Variants in ADK observed in about 807,000 individuals in gnomAD.
ADK encodes N6,N6-dimethyladenosine kinase.
ADK carries 24 observed loss-of-function variants against 44.7 expected under a neutral mutation model. The observed-to-expected ratio is 0.54, with a 90% CI of 0.39 to 0.76. The LOEUF (loss-of-function observed/expected upper bound fraction) is 0.76. Ranked by LOEUF, ADK falls within the 30% of genes least tolerant of loss-of-function variation. The pLI is 0.00. For missense variants in ADK, 321 were observed against 425.1 expected (o/e 0.76, Z 2.15); for synonymous variants, 128 against 142.6 (o/e 0.90, Z 0.73).
chr10:74,224,308 T>C (rs998903293), intron 2 of ADK, among the ~76,000 whole-genome samples: 1 of 152,226 alleles, frequency 6.6e-6, no homozygotes. Context: ...CAGAAGAATA[T>C]TGAAGATCTT....
intron 1 of ADK, among the ~76,000 whole-genome samples, chr10:74,192,086 G>A (rs1240913339): frequency 6.6e-6 from 1 of 152,012 alleles, no homozygotes; most frequent in Non-Finnish European, 1.5e-5. Context: ...TTTGAGATCC[G>A]TTTAAGTTGT....
intron 9 of ADK, among the ~76,000 whole-genome samples, chr10:74,639,459 T>A (rs1853753549): frequency 6.6e-6 from 1 of 152,192 alleles, no homozygotes; most frequent in South Asian, 2.1e-4. Context: ...ACACAGTGGG[T>A]TCATTCACTT....
intron 10 of ADK, among the ~76,000 whole-genome samples, chr10:74,687,898 A>G (rs1855850525): frequency 6.6e-6 from 1 of 152,074 alleles, no homozygotes; most frequent in Admixed American, 6.6e-5. Flanking sequence ...ACTTTATTCC[A>G]TTTTCTGTAT....
chr10:74,660,408 A>C (rs919302779), intron 9 of ADK, among the ~76,000 whole-genome samples: 38 of 152,318 alleles, frequency 2.5e-4, no homozygotes, highest in African/African-American at 9.1e-4. Context: ...CTGGGGTTAC[A>C]GACACGAGCC....
At chr10:74,430,327 G>T (rs1285113085) in intron 6 of ADK, among the ~76,000 whole-genome samples, 1 of 152,112 alleles carries the variant, frequency 6.6e-6, no homozygotes, top group Non-Finnish European at 1.5e-5. Context: ...AAATATATCT[G>T]TCACCACAAT....
At chr10:74,322,545 A>G (rs1024628173) in intron 4 of ADK, among the ~76,000 whole-genome samples, 2 of 152,100 alleles carry the variant, frequency 1.3e-5, no homozygotes, top group African/African-American at 2.4e-5. Flanking sequence ...TTCCTTTTCA[A>G]ATTAGGTTGT....
chr10:74,574,405 G>A (rs532715915), intron 7 of ADK, among the ~76,000 whole-genome samples: 70 of 152,018 alleles, frequency 4.6e-4, no homozygotes, highest in Non-Finnish European at 7.2e-4. Context: ...TCTTGACCTC[G>A]TGATCTGCCT....
intron 3 of ADK, among the ~76,000 whole-genome samples, chr10:74,226,248 C>T (rs746614140): frequency 1.3e-5 from 2 of 152,046 alleles, no homozygotes; most frequent in African/African-American, 2.4e-5. Flanking sequence ...GCAGGGATTA[C>T]AGGCACCCGC....
intron 4 of ADK, among the ~76,000 whole-genome samples, chr10:74,366,117 A>G (rs1285243764): frequency 6.6e-6 from 1 of 152,214 alleles, no homozygotes; most frequent in Non-Finnish European, 1.5e-5. Flanking sequence ...GAACCTTGCC[A>G]GGTTTAATGA....
chr10:74,176,241 T>G (rs140615748), intron 1 of ADK, among the ~76,000 whole-genome samples: 3 of 152,204 alleles, frequency 2.0e-5, no homozygotes, highest in Non-Finnish European at 4.4e-5. Context: ...CAATTGACTC[T>G]CAAAGGCTGC....
At chr10:74,324,083 C>T (rs1192991001) in intron 4 of ADK, among the ~76,000 whole-genome samples, 2 of 152,098 alleles carry the variant, frequency 1.3e-5, no homozygotes, top group Non-Finnish European at 2.9e-5. Flanking sequence ...AGTGCAGTGG[C>T]ACAATCATGG....
chr10:74,554,280 C>T (rs1850155060), intron 7 of ADK, among the ~76,000 whole-genome samples: 4 of 152,190 alleles, frequency 2.6e-5, no homozygotes, highest in Admixed American at 2.6e-4. Flanking sequence ...AGTATATCCT[C>T]TGCCTCCCTC....
At chr10:74,221,228 A>G (rs1011029492) in intron 2 of ADK, among the ~76,000 whole-genome samples, 2 of 151,950 alleles carry the variant, frequency 1.3e-5, no homozygotes, top group African/African-American at 4.8e-5. Flanking sequence ...CACCAATAAC[A>G]GACAAACAGA....
intron 1 of ADK, among the ~76,000 whole-genome samples, chr10:74,163,440 C>T (rs1044996993): frequency 2.0e-5 from 3 of 152,178 alleles, no homozygotes; most frequent in African/African-American, 7.2e-5. Context: ...TGTTAGCAAG[C>T]CTTTAATTAG....
At chr10:74,689,459 G>C (rs997569590) in intron 10 of ADK, among the ~76,000 whole-genome samples, 1 of 152,118 alleles carries the variant, frequency 6.6e-6, no homozygotes, top group Non-Finnish European at 1.5e-5. Flanking sequence ...CTCCAGTCAA[G>C]ATTTCATAAA....
chr10:74,341,183 T>G (rs1260348707), intron 4 of ADK, among the ~76,000 whole-genome samples: 2 of 152,076 alleles, frequency 1.3e-5, no homozygotes, highest in Non-Finnish European at 2.9e-5. Context: ...TTCCTTCACA[T>G]TTAGACTTGC....
At chr10:74,447,673 A>G (rs1187516736) in intron 6 of ADK, among the ~76,000 whole-genome samples, 4 of 152,118 alleles carry the variant, frequency 2.6e-5, no homozygotes, top group African/African-American at 7.2e-5. Flanking sequence ...CTCTTTGTCA[A>G]TTTCCTATCT....
chr10:74,321,696 C>T (rs1452902727), intron 4 of ADK, among the ~76,000 whole-genome samples: 2 of 152,068 alleles, frequency 1.3e-5, no homozygotes, highest in East Asian at 3.9e-4. Context: ...AAATTTTAAC[C>T]ATGTTGTTTC....
At chr10:74,217,623 A>C (rs1288114050) in intron 2 of ADK, among the ~76,000 whole-genome samples, 1 of 152,214 alleles carries the variant, frequency 6.6e-6, no homozygotes, top group African/African-American at 2.4e-5. Context: ...GGCACCCCCC[A>C]GTAGGAGCAG....
Sources: gnomAD v4.1 joint callset for allele counts (sites outside exome capture counted in the v4.1 genomes callset) on GRCh38, gnomAD v4.1.1 for gene constraint, MANE v1.5 for transcripts, NCBI Gene and HGNC (gene_info 2026-07-23, HGNC 2026-07-21) for gene names.